The following GBA2 variants were observed in gnomAD, a reference collection of about 807,000 sequenced individuals.
GBA2 encodes the protein glucosylceramidase beta 2.
In GBA2, 79 loss-of-function variants were observed where a neutral mutation model predicts 112.9. The observed-to-expected ratio is 0.70, with a 90% CI of 0.58 to 0.84. The LOEUF (loss-of-function observed/expected upper bound fraction) is 0.84, where lower values mean the gene tolerates loss of function less well. Among genes scored for constraint, GBA2 ranks in the 40% least tolerant of loss-of-function variants. GBA2 has a pLI of 0.00. For missense variants in GBA2, 1,043 were observed against 1,190.0 expected, an observed-to-expected ratio of 0.88 and a Z score of 1.82; for synonymous variants, 403 against 434.3, an observed-to-expected ratio of 0.93 and a Z score of 0.90.
intron 9 of GBA2, 65 bp from the exon 10 acceptor site, chr9:35,739,484 C>T: frequency 7.4e-7 from 1 of 1,349,440 alleles, no homozygotes; most frequent in South Asian, 1.2e-5. Flanking sequence ...CCCTCTGTAG[C>T]TTGTCCTCTA....
chr9:35,743,898 C>T (rs532076119), intron 3 of GBA2, among the ~76,000 whole-genome samples: 16 of 152,212 alleles, frequency 1.1e-4, no homozygotes, highest in South Asian at 2.1e-4. Context: ...CCTTGTACTA[C>T]GTGTCTTTTT....
In GBA2 at chr9:35,740,638, G is replaced by A. The variant is rs1469236519; in HGVS notation, c.1027-10C>T. 1.9e-6 allele frequency: 3 copies of A among 1,602,060 alleles called. No homozygotes were observed. The highest frequency in any genetic ancestry group is 2.2e-5 in the South Asian group (2 of 90,820). The stretch of plus-strand genomic sequence containing the variant: ...TTACCGTGGTAGCTGCCTGTGAAGG[G>A]GTCAGGGACTGTGAGGGCAGGCTCC... On this transcript the variant is annotated splice_polypyrimidine_tract_variant and intron_variant, in intron 5 of 16. Coordinates refer to ENST00000378103, the MANE Select transcript of GBA2 (RefSeq NM_020944.3). The surrounding 1 kb of genome is among the most constrained non-coding windows in gnomAD (Gnocchi z 4.7).
chr9:35,740,521 A>G lies in GBA2; in HGVS notation c.1129+5T>C. ...CCACCATCTCCCAGTCAGACCCCCC[A>G]TCACCAGTGGGAGAGTCCAGCTGTC... On this transcript the variant is annotated splice_donor_5th_base_variant and intron_variant, in intron 6 of 16. Transcript: ENST00000378103. The surrounding 1 kb of genome is among the most constrained non-coding windows in gnomAD (Gnocchi z 4.7). 6.2e-7 allele frequency: 1 copy of G among 1,603,212 alleles called. No individual in the cohort carries two copies. The highest frequency in any genetic ancestry group is 8.5e-7 in the Non-Finnish European group (1 of 1,170,166).
Position 35,749,107 on chromosome 9 carries a change from CG to C in GBA2, c.-404del, listed in dbSNP as rs1272860676. The stretch of plus-strand genomic sequence containing the variant: ...CGGCCCGGCCCCTGGGCCACGGCAC[CG>C]GGTCCCCCAGGATTGGGCGCCAGGT... On this transcript the variant is annotated 5_prime_UTR_variant, in exon 1 of 17. Transcript: ENST00000378103. This position sits in a 1 kb window ranked among gnomAD's most constrained non-coding sequence, Gnocchi z 4.4. 4.2e-6 allele frequency: 1 copy of C among 238,428 alleles called. No individual in the cohort carries two copies. The highest frequency in any genetic ancestry group is 8.3e-6 in the Non-Finnish European group (1 of 120,416). 14.8% of individuals were successfully genotyped at this position (238,428 alleles called of 1,614,324 possible). A position where few individuals can be genotyped will look rare whatever the true frequency, so the allele number is the denominator to read the frequency against.
rs1056519892 is a variant in GBA2 at position 35,741,172 on chromosome 9, G to T, written c.787-108C>A. On this transcript the variant is annotated intron_variant, in intron 4 of 16. Coordinates refer to ENST00000378103, the MANE Select transcript of GBA2 (RefSeq NM_020944.3). This position sits in a 1 kb window ranked among gnomAD's most constrained non-coding sequence, Gnocchi z 4.6. The stretch of plus-strand genomic sequence containing the variant: ...GAGGACCTGACTCAAATACTCCCCA[G>T]TGTACTCTTCTTTTGTCCACTTGCA... 6 of 1,188,730 alleles carry T rather than the reference G, an allele frequency of 5.0e-6. No individual in the cohort carries two copies. Among genetic ancestry groups the T allele is most frequent in the Non-Finnish European group, 7.2e-6 (6 of 837,614 alleles). 73.6% of individuals were successfully genotyped at this position (1,188,730 alleles called of 1,614,324 possible). A position where few individuals can be genotyped will look rare whatever the true frequency, so the allele number is the denominator to read the frequency against.
intron 3 of GBA2, 200 bp from the exon 4 acceptor site, chr9:35,742,090 C>G (rs974904470): frequency 3.3e-6 from 2 of 615,150 alleles, no homozygotes; most frequent in Non-Finnish European, 2.9e-6. Context: ...CTTTCTCTCC[C>G]TTCTCCACTA....
At position 35,737,491 on chromosome 9, in the gene GBA2, C is replaced by T; in HGVS notation, c.2506-44G>A. 6.3e-7 allele frequency: 1 copy of T among 1,597,392 alleles called. No homozygotes were observed. Among genetic ancestry groups the T allele is most frequent in the Non-Finnish European group, 8.5e-7 (1 of 1,171,638 alleles). The stretch of plus-strand genomic sequence containing the variant: ...GTCATACATACTAACTTGGCACCCT[C>T]TGAAGAGCCACTTCCACTGGATAGA... On this transcript the variant is annotated intron_variant, in intron 16 of 16. Transcript: ENST00000378103. This position sits in a 1 kb window ranked among gnomAD's most constrained non-coding sequence, Gnocchi z 4.1.
rs943220131 is a variant in GBA2, at chr9:35,740,696, C to T, written c.1027-68G>A. 4 of 1,519,568 alleles carry T rather than the reference C, an allele frequency of 2.6e-6. No homozygotes were observed. Among genetic ancestry groups the T allele is most frequent in the African/African-American group, 2.7e-5 (2 of 73,050 alleles). The allele number at this position is 1,519,568 out of a possible 1,614,324, so 94.1% of individuals were successfully genotyped here. ...CACTGGGTCCCGGCTAGCTCCCCAG[C>T]TCCTCTTACTTACTCTTAACCTCCC... On this transcript the variant is annotated intron_variant, in intron 5 of 16. Coordinates refer to ENST00000378103, the MANE Select transcript of GBA2 (RefSeq NM_020944.3). The surrounding 1 kb of genome is among the most constrained non-coding windows in gnomAD (Gnocchi z 4.7).
At position 35,740,825 on chromosome 9, in the gene GBA2, C is replaced by T. The variant is rs148717501; in HGVS notation, c.1026G>A (p.Thr342=). Residue 342 remains threonine (T), a splice_region_variant and synonymous_variant, in exon 5 of 17, where the codon ACG becomes ACA. Transcript: ENST00000378103. This position sits in a 1 kb window ranked among gnomAD's most constrained non-coding sequence, Gnocchi z 4.7. ...PYTMAVAARV[T]AATTVTHITA... is the part of the protein sequence containing the mutation. ...GGTATAGGGCAGGCTCTTTCCTTAC[C>T]GTGACTCGTGCAGCCACAGCCATCG... 7.4e-6 allele frequency: 12 copies of T among 1,613,866 alleles called. No individual in the cohort carries two copies. The highest frequency in any genetic ancestry group is 2.2e-5 in the East Asian group (1 of 44,900).
rs1268246947 is a variant in GBA2, at chr9:35,741,606, A to G, written c.786+66T>C. The G allele has an allele frequency of 1.1e-5, 12 of 1,085,770 alleles. No individual in the cohort carries two copies. Among genetic ancestry groups the G allele is most frequent in the Non-Finnish European group, 1.7e-5 (12 of 698,490 alleles). The allele number at this position is 1,085,770 out of a possible 1,614,324, so 67.3% of individuals were successfully genotyped here. ...AGCTACCGCGCCTCGCAGGCCATGC[A>G]GTTTCTAGCAGAGGCAGGTCCTGGG... is the stretch of plus-strand genomic sequence containing the variant. On this transcript the variant is annotated intron_variant, in intron 4 of 16. Coordinates refer to ENST00000378103, the MANE Select transcript of GBA2 (RefSeq NM_020944.3). The surrounding 1 kb of genome is among the most constrained non-coding windows in gnomAD (Gnocchi z 4.6).
chr9:35,743,933 G>A (rs1826837747), intron 3 of GBA2, among the ~76,000 whole-genome samples: 1 of 152,014 alleles, frequency 6.6e-6, no homozygotes, highest in Non-Finnish European at 1.5e-5. Flanking sequence ...TAGACTTTGG[G>A]TTTTCTTTTC....
At chr9:35,742,634 C>T (rs1230745700) in intron 3 of GBA2, among the ~76,000 whole-genome samples, 2 of 152,084 alleles carry the variant, frequency 1.3e-5, no homozygotes, top group Non-Finnish European at 2.9e-5. Flanking sequence ...ACTGATGCAC[C>T]CTTCTTCAGA....
chr9:35,742,684 A>T (rs889184916), intron 3 of GBA2, among the ~76,000 whole-genome samples: 15 of 152,120 alleles, frequency 9.9e-5, no homozygotes, highest in African/African-American at 3.6e-4. Context: ...AATCTGCAGC[A>T]CCGTCCCTTT....
Position 35,749,213 on chromosome 9 carries a change from G to A in GBA2, c.-509C>T, listed in dbSNP as rs1299395050. On this transcript the variant is annotated 5_prime_UTR_variant, in exon 1 of 17. Coordinates refer to ENST00000378103, the MANE Select transcript of GBA2 (RefSeq NM_020944.3). The surrounding 1 kb of genome is among the most constrained non-coding windows in gnomAD (Gnocchi z 4.4). ...GTGACCCTGGGCGCCGGGATGACCC[G>A]AGCCCTTTCCGGTCTGGCCTGCCGG... 1 of 442,850 alleles carries A rather than the reference G, an allele frequency of 2.3e-6. No individual in the cohort carries two copies. 27.4% of individuals were successfully genotyped at this position (442,850 alleles called of 1,614,324 possible). A position where few individuals can be genotyped will look rare whatever the true frequency, so the allele number is the denominator to read the frequency against.
At position 35,748,900 on chromosome 9, in the gene GBA2, G is replaced by A. The variant is rs1827148066; in HGVS notation, c.-196C>T. The A allele has an allele frequency of 1.9e-6, 1 of 513,248 alleles. No individual in the cohort carries two copies. The highest frequency in any genetic ancestry group is 3.4e-6 in the Non-Finnish European group (1 of 290,870). The allele number at this position is 513,248 out of a possible 1,614,324, so 31.8% of individuals were successfully genotyped here. On this transcript the variant is annotated 5_prime_UTR_variant, in exon 1 of 17. Transcript: ENST00000378103. ...CGGCGACAGCAAAGAAGCCGCCTTG[G>A]GCTCTCCTTCGGTTGTCTCTGTAGG... is the stretch of plus-strand genomic sequence containing the variant.
chr9:35,746,558 T>G lies in GBA2; in HGVS notation c.359+1788A>C, dbSNP rs939130293. Among the ~76,000 whole-genome samples, 3 of 151,720 alleles carry G rather than the reference T, an allele frequency of 2.0e-5. No individual in the cohort carries two copies. Among genetic ancestry groups the G allele is most frequent in the Admixed American group, 1.3e-4 (2 of 15,202 alleles). On this transcript the variant is annotated intron_variant, in intron 1 of 16. Coordinates refer to ENST00000378103, the MANE Select transcript of GBA2 (RefSeq NM_020944.3). This position sits in a 1 kb window ranked among gnomAD's most constrained non-coding sequence, Gnocchi z 5.2. ...CTGAGCTGAGATTGCACCATTGTAC[T>G]CCAGCCTGGGTGACAAGAGCAAGAC...
In GBA2 at chr9:35,739,098, G is replaced by A. The variant is rs764308884; in HGVS notation, c.1699C>T (p.Leu567Phe). The change falls in exon 11 of 17, where the codon CTC (leucine) becomes TTC (phenylalanine). Residue 567 changes from leucine (L) to phenylalanine (F), a missense_variant. Transcript: ENST00000378103. ...SLQYDMALAT[L>F]REDLTRRRYL... is the part of the protein sequence containing the mutation. The stretch of plus-strand genomic sequence containing the variant: ...CGTCGCCGTGTCAGGTCCTCCCTGA[G>A]AGTGGCCAGAGCTGGGGGAGAGACA... 4 of 1,566,790 alleles carry A rather than the reference G, an allele frequency of 2.6e-6. No individual in the cohort carries two copies. The South Asian group carries it at 3.4e-5, about 13-fold the overall frequency.
rs1261850554 is a variant in GBA2, at chr9:35,740,896, C to G, written c.955G>C (p.Val319Leu). ...PFCLERSGET[V>L]RGLLLHHPTL... Reference sequence around the variant, plus strand: ...GGATGATGCAGGAGCAGCCCCCGGACAGTTTCCCCGCTACGCTCCAGACAG... The same window carrying G: ...GGATGATGCAGGAGCAGCCCCCGGAGAGTTTCCCCGCTACGCTCCAGACAG... The change falls in exon 5 of 17, where the codon GTC (valine) becomes CTC (leucine). Residue 319 changes from valine (V) to leucine (L), a missense_variant. Val to Leu is a conservative substitution (Grantham distance 32, BLOSUM62 1). Coordinates refer to ENST00000378103, the MANE Select transcript of GBA2 (RefSeq NM_020944.3). This position sits in a 1 kb window ranked among gnomAD's most constrained non-coding sequence, Gnocchi z 4.7. 2 of 1,613,808 alleles carry G rather than the reference C, an allele frequency of 1.2e-6. No homozygotes were observed. The highest frequency in any genetic ancestry group is 1.3e-5 in the African/African-American group (1 of 74,858).
At position 35,740,246 on chromosome 9, in the gene GBA2, T is replaced by C; in HGVS notation, c.1246A>G (p.Arg416Gly). 6.2e-7 allele frequency: 1 copy of C among 1,614,146 alleles called. No homozygotes were observed. Among genetic ancestry groups the C allele is most frequent in the Non-Finnish European group, 8.5e-7 (1 of 1,180,010 alleles). ...LEFSLAWDMP[R>G]IMFGAKGQVH... The stretch of plus-strand genomic sequence containing the variant: ...TGGCCTTTAGCTCCAAACATGATCC[T>C]GGGCATGTCCCAAGCCAGTGAAAAC... The change falls in exon 7 of 17, where the codon AGG becomes GGG. Residue 416 changes from arginine to glycine, a missense_variant. Coordinates refer to ENST00000378103, the MANE Select transcript of GBA2 (RefSeq NM_020944.3). This position sits in a 1 kb window ranked among gnomAD's most constrained non-coding sequence, Gnocchi z 4.7.
Sources: allele counts gnomAD v4.1 joint callset (sites outside exome capture counted in the v4.1 genomes callset), GRCh38; gene constraint gnomAD v4.1.1; non-coding constraint Gnocchi (gnomAD v3.1); transcripts MANE v1.5; gene names NCBI Gene and HGNC (gene_info 2026-07-23, HGNC 2026-07-21).